Variants in RFTN2 observed in about 807,000 individuals in gnomAD.
The protein encoded by RFTN2 is raftlin family member 2, also known as raftlin-2.
Under a neutral mutation model 52.7 loss-of-function variants are expected in RFTN2, and 34 were observed. The observed-to-expected ratio is 0.64, with a 90% CI of 0.49 to 0.86. The LOEUF (loss-of-function observed/expected upper bound fraction) is 0.86. RFTN2 is among the 40% of genes least tolerant of loss of function. The pLI, the probability that RFTN2 is intolerant of heterozygous loss-of-function variation, is 0.00. For synonymous variants in RFTN2, 203 were observed against 217.7 expected (o/e 0.93, Z 0.59); for missense variants, 536 against 600.1 (o/e 0.89, Z 1.12).
At chr2:197,651,874 T>C (rs959461215) in intron 1 of RFTN2, among the ~76,000 whole-genome samples, 7 of 152,200 alleles carry the variant, frequency 4.6e-5, no homozygotes, top group African/African-American at 1.7e-4. Context: ...CAACGTAGGT[T>C]GCAAAATGAA....
rs750192183 is a variant in RFTN2 at position 197,615,908 on chromosome 2, G to A, written c.1122C>T (p.Ser374=). Residue 374 remains serine, a synonymous_variant, in exon 7 of 9, where the codon AGC becomes AGT. Coordinates refer to ENST00000295049, the MANE Select transcript of RFTN2 (RefSeq NM_144629.3). ...GTCTCAATACAGGTGTGGGCAACAC[G>A]CTTGTCAGAAGCCATCCGAATTCAG... ...TLAEFGWLLT[S]VLPTPVLRHD... The A allele has an allele frequency of 2.2e-5, 34 of 1,557,276 alleles. No individual in the cohort carries two copies. In the African/African-American group the frequency reaches 3.1e-4, roughly 14 times the overall value.
At chr2:197,667,363 T>C (rs1260287809) in intron 1 of RFTN2, among the ~76,000 whole-genome samples, 7 of 152,216 alleles carry the variant, frequency 4.6e-5, no homozygotes, top group Non-Finnish European at 1.0e-4. Flanking sequence ...ATTTGTATTA[T>C]TTTTCAGAAT....
intron 7 of RFTN2, among the ~76,000 whole-genome samples, chr2:197,601,216 T>G (rs2087875248): frequency 6.6e-6 from 1 of 152,254 alleles, no homozygotes; most frequent in African/African-American, 2.4e-5. Flanking sequence ...CCCTGCCTTC[T>G]TCTATGCATT....
intron 7 of RFTN2, among the ~76,000 whole-genome samples, chr2:197,599,485 G>A (rs906894970): frequency 6.6e-6 from 1 of 152,032 alleles, no homozygotes; most frequent in South Asian, 2.1e-4. Flanking sequence ...CTCTACCAGC[G>A]GATCCCGAGG....
intron 1 of RFTN2, among the ~76,000 whole-genome samples, chr2:197,664,199 A>G (rs1470000762): frequency 3.9e-5 from 6 of 152,072 alleles, no homozygotes. Flanking sequence ...GTGGCTGGGT[A>G]TGGTGGCTCA....
chr2:197,646,776 G>A (rs2088756586), intron 1 of RFTN2, 110 bp from the exon 2 acceptor site: 1 of 844,182 alleles, frequency 1.2e-6, no homozygotes, highest in Non-Finnish European at 1.8e-6. Context: ...TTGGCCGGGT[G>A]CAATGGCACA....
intron 1 of RFTN2, among the ~76,000 whole-genome samples, chr2:197,661,841 G>T (rs572612939): frequency 5.8e-4 from 89 of 152,264 alleles, no homozygotes; most frequent in African/African-American, 2.0e-3. Context: ...TCTAACTGGG[G>T]TGAGATAACA....
At chr2:197,579,286 G>C (rs527832534) in intron 8 of RFTN2, among the ~76,000 whole-genome samples, 1 of 151,988 alleles carries the variant, frequency 6.6e-6, no homozygotes, top group East Asian at 1.9e-4. Flanking sequence ...AATTGCCCCC[G>C]ACCCCTTCTC....
At chr2:197,670,400 A>G (rs1009749833) in intron 1 of RFTN2, among the ~76,000 whole-genome samples, 1 of 152,226 alleles carries the variant, frequency 6.6e-6, no homozygotes, top group African/African-American at 2.4e-5. Context: ...TGTTGGGTAT[A>G]TCTTTAGCTA....
chr2:197,643,218 G>GT (rs1383795030), intron 3 of RFTN2, among the ~76,000 whole-genome samples: 2 of 152,146 alleles, frequency 1.3e-5, no homozygotes, highest in East Asian at 3.9e-4. Context: ...TGAGTACATG[G>GT]TACTACAGGC....
At chr2:197,608,093 T>C (rs1221066395) in intron 7 of RFTN2, among the ~76,000 whole-genome samples, 1 of 152,138 alleles carries the variant, frequency 6.6e-6, no homozygotes, top group Non-Finnish European at 1.5e-5. Context: ...CTCAACTGCA[T>C]GTATATAAAT....
At chr2:197,614,185 T>C (rs1470238501) in intron 7 of RFTN2, among the ~76,000 whole-genome samples, 1 of 152,218 alleles carries the variant, frequency 6.6e-6, no homozygotes, top group Non-Finnish European at 1.5e-5. Context: ...GCTCACAAGA[T>C]CCTTCAGGGC....
Position 197,675,496 on chromosome 2 carries a change from A to T in RFTN2, c.-38T>A, listed in dbSNP as rs1235244864. On this transcript the variant is annotated 5_prime_UTR_variant, in exon 1 of 9. Transcript: ENST00000295049. The stretch of plus-strand genomic sequence containing the variant: ...AAGGAATTAAATTGCAGGAAAGGGG[A>T]GGGAGAGCAGCAAATTCTGTTGTTT... 1.5e-6 allele frequency: 2 copies of T among 1,317,988 alleles called. No individual in the cohort carries two copies. Among genetic ancestry groups the T allele is most frequent in the Non-Finnish European group, 2.0e-6 (2 of 1,008,152 alleles). The allele number at this position is 1,317,988 out of a possible 1,614,324, so 81.6% of individuals were successfully genotyped here. A position where few individuals can be genotyped will look rare whatever the true frequency, so the allele number is the denominator to read the frequency against.
rs576591828 is a variant in RFTN2, at chr2:197,667,533, A to C, written c.139+7787T>G. ...TCATGTGTCCTGCATTCATATGTTG[A>C]TATCTATGCATCTGGTGTAACAGCC... On this transcript the variant is annotated intron_variant, in intron 1 of 8. Transcript: ENST00000295049. Among the ~76,000 whole-genome samples the C allele has an allele frequency of 2.4e-3, 360 of 152,194 alleles. 1 individual carries two copies. The highest frequency in any genetic ancestry group is 3.8e-3 in the Non-Finnish European group (260 of 68,028).
Position 197,571,880 on chromosome 2 carries a change from T to G in RFTN2, c.*128A>C, listed in dbSNP as rs773154044. ...AGGTTGTGCCAAAGTTTACATAGAT[T>G]AGAGGAAAGGCTGGGTCTGGAAAAA... On this transcript the variant is annotated 3_prime_UTR_variant, in exon 9 of 9. Coordinates refer to ENST00000295049, the MANE Select transcript of RFTN2 (RefSeq NM_144629.3). The G allele has an allele frequency of 1.1e-6, 1 of 870,504 alleles. No homozygotes were observed. The highest frequency in any genetic ancestry group is 1.8e-6 in the Non-Finnish European group (1 of 564,034). 53.9% of individuals were successfully genotyped at this position (870,504 alleles called of 1,614,324 possible). A position where few individuals can be genotyped will look rare whatever the true frequency, so the allele number is the denominator to read the frequency against.
At chr2:197,646,911 A>AAC (rs1553604401) in intron 1 of RFTN2, among the ~76,000 whole-genome samples, 61 of 148,888 alleles carry the variant, frequency 4.1e-4, no homozygotes, top group East Asian at 1.2e-3. Flanking sequence ...AAAAAAAAAA[A>AAC]AAAAAAAAAC....
At chr2:197,579,899 C>T (rs11899920) in intron 8 of RFTN2, among the ~76,000 whole-genome samples, 2 of 151,954 alleles carry the variant, frequency 1.3e-5, no homozygotes, top group South Asian at 2.1e-4. Context: ...TTTTGTTCCA[C>T]GACTAGCTCT....
In RFTN2 at chr2:197,576,756, T is replaced by C. The variant is rs185929196; in HGVS notation, c.1234-4476A>G. Among the ~76,000 whole-genome samples the C allele has an allele frequency of 5.5e-3, 837 of 152,336 alleles. 7 individuals carry two copies. The highest frequency in any genetic ancestry group is 0.041 in the Middle Eastern group (12 of 294). ...TTATGACACTGTTTGTACAGGAAGATGCAGCCCCAGCGGGTTGCATAGAAA... is the reference window on the plus strand; with the variant it reads ...TTATGACACTGTTTGTACAGGAAGACGCAGCCCCAGCGGGTTGCATAGAAA... On this transcript the variant is annotated intron_variant, in intron 8 of 8. Transcript: ENST00000295049.
rs555756369 is a variant in RFTN2, at chr2:197,584,139, C to A, written c.1233+11852G>T. ...TGATTTATAATCCTTTGGGTATATA[C>A]CCAGTAATGGGATGGCTGGGTCAAA... is the stretch of plus-strand genomic sequence containing the variant. On this transcript the variant is annotated intron_variant, in intron 8 of 8. Coordinates refer to ENST00000295049, the MANE Select transcript of RFTN2 (RefSeq NM_144629.3). Among the ~76,000 whole-genome samples, 19 of 152,240 alleles carry A rather than the reference C, an allele frequency of 1.2e-4. No homozygotes were observed. In the East Asian group the frequency reaches 3.7e-3, roughly 29 times the overall value.
Sources: allele counts gnomAD v4.1 joint callset (sites outside exome capture counted in the v4.1 genomes callset), GRCh38; gene constraint gnomAD v4.1.1; transcripts MANE v1.5; gene names NCBI Gene and HGNC (gene_info 2026-07-23, HGNC 2026-07-21).